GABRG3: variants seen among roughly 807,000 people sequenced by gnomAD.
The protein encoded by GABRG3 is gamma-aminobutyric acid type A receptor subunit gamma3, also known as gamma-aminobutyric acid receptor subunit gamma-3.
Under a neutral mutation model 48.8 loss-of-function variants are expected in GABRG3, and 25 were observed. That is an observed-to-expected ratio of 0.51 (90% CI 0.37 to 0.72). The LOEUF (loss-of-function observed/expected upper bound fraction) is 0.72. GABRG3 is among the 30% of genes least tolerant of loss of function. The pLI, the probability that GABRG3 is intolerant of heterozygous loss-of-function variation, is 0.00. For synonymous variants in GABRG3, 227 were observed against 217.6 expected, an observed-to-expected ratio of 1.04 and a Z score of -0.38; for missense variants, 394 against 577.9, an observed-to-expected ratio of 0.68 and a Z score of 3.26.
At chr15:27,469,348 T>C (rs2150839542) in intron 5 of GABRG3, among the ~76,000 whole-genome samples, 1 of 152,300 alleles carries the variant, frequency 6.6e-6, no homozygotes, top group South Asian at 2.1e-4. Flanking sequence ...TTATTTTATT[T>C]TATTTTTTTG....
At chr15:27,168,004 T>C (rs1887436586) in intron 3 of GABRG3, among the ~76,000 whole-genome samples, 2 of 151,982 alleles carry the variant, frequency 1.3e-5, no homozygotes, top group Non-Finnish European at 2.9e-5. Flanking sequence ...CCGGCCCAAA[T>C]CTCACTCTAA....
chr15:27,473,889 G>C (rs1185433545), intron 5 of GABRG3, among the ~76,000 whole-genome samples: 2 of 152,192 alleles, frequency 1.3e-5, no homozygotes, highest in African/African-American at 4.8e-5. Context: ...TTAACACAAA[G>C]TATATGTAAG....
At chr15:27,103,849 C>A (rs749073660) in intron 3 of GABRG3, among the ~76,000 whole-genome samples, 3 of 152,214 alleles carry the variant, frequency 2.0e-5, no homozygotes, top group Non-Finnish European at 4.4e-5. Context: ...AGTTTTCTAG[C>A]TGCTCTTATA....
chr15:27,015,033 C>G (rs1895752639), intron 2 of GABRG3, among the ~76,000 whole-genome samples: 1 of 152,134 alleles, frequency 6.6e-6, no homozygotes, highest in African/African-American at 2.4e-5. Flanking sequence ...TTCTTTGTGT[C>G]TTGCGACAGT....
At chr15:27,070,552 C>T (rs1037520164) in intron 3 of GABRG3, among the ~76,000 whole-genome samples, 1 of 152,204 alleles carries the variant, frequency 6.6e-6, no homozygotes, top group Non-Finnish European at 1.5e-5. Flanking sequence ...TTGTCACCAA[C>T]ATTTGGAAGA....
At chr15:27,005,198 TTTTA>T (rs1165468896) in intron 2 of GABRG3, among the ~76,000 whole-genome samples, 4 of 152,028 alleles carry the variant, frequency 2.6e-5, no homozygotes, top group African/African-American at 9.7e-5. Context: ...TCTTATTTTA[TTTTA>T]TTTATTTATT....
chr15:27,093,189 C>G (rs566156938), intron 3 of GABRG3, among the ~76,000 whole-genome samples: 1 of 152,168 alleles, frequency 6.6e-6, no homozygotes, highest in East Asian at 1.9e-4. Context: ...ACGGAACAGA[C>G]CAATGTCACA....
chr15:27,048,502 G>A (rs1237037737), intron 3 of GABRG3, among the ~76,000 whole-genome samples: 1 of 152,178 alleles, frequency 6.6e-6, no homozygotes, highest in East Asian at 1.9e-4. Context: ...AGGGCCTGCA[G>A]GCAGGTGGCT....
intron 5 of GABRG3, among the ~76,000 whole-genome samples, chr15:27,388,215 A>G (rs1322628552): frequency 1.6e-5 from 1 of 62,754 alleles, no homozygotes; most frequent in Admixed American, 1.7e-4. Context: ...GAAGGAAAGG[A>G]GGAAGGAAGG....
At chr15:27,213,320 C>A (rs1889132445) in intron 3 of GABRG3, among the ~76,000 whole-genome samples, 1 of 152,156 alleles carries the variant, frequency 6.6e-6, no homozygotes, top group Non-Finnish European at 1.5e-5. Flanking sequence ...GATTAATTGG[C>A]TTTTATTTGC....
chr15:27,156,503 C>T (rs1447535080), intron 3 of GABRG3, among the ~76,000 whole-genome samples: 2 of 152,014 alleles, frequency 1.3e-5, no homozygotes, highest in Non-Finnish European at 2.9e-5. Context: ...ATACTCGCTA[C>T]CATGTCATCC....
intron 3 of GABRG3, among the ~76,000 whole-genome samples, chr15:27,037,445 TATAGAC>T (rs1452902629): frequency 6.6e-6 from 1 of 152,178 alleles, no homozygotes; most frequent in Non-Finnish European, 1.5e-5. Context: ...CACTCTGTCT[TATAGAC>T]TAAGAGTTTG....
At chr15:27,019,406 T>A (rs2140674965) in intron 2 of GABRG3, among the ~76,000 whole-genome samples, 1 of 152,070 alleles carries the variant, frequency 6.6e-6, no homozygotes, top group Middle Eastern at 3.4e-3. Context: ...AAATAGAAAC[T>A]CCGGGAGGTT....
chr15:27,008,999 T>C (rs1895638320), intron 2 of GABRG3, among the ~76,000 whole-genome samples: 1 of 152,060 alleles, frequency 6.6e-6, no homozygotes, highest in Non-Finnish European at 1.5e-5. Context: ...GGCGAGGATG[T>C]AGAGCAAGGA....
chr15:27,293,271 C>G (rs1198422927), intron 3 of GABRG3, among the ~76,000 whole-genome samples: 2 of 151,930 alleles, frequency 1.3e-5, no homozygotes, highest in Non-Finnish European at 2.9e-5. Flanking sequence ...TGGAGGGAAT[C>G]TGAATGGAAT....
At chr15:27,128,745 C>T (rs1897865108) in intron 3 of GABRG3, among the ~76,000 whole-genome samples, 1 of 152,182 alleles carries the variant, frequency 6.6e-6, no homozygotes, top group Admixed American at 6.5e-5. Flanking sequence ...TTCGCAGAGC[C>T]CTCTGGCTCT....
chr15:27,328,727 C>G, intron 4 of GABRG3, 79 bp from the exon 5 acceptor site: 1 of 1,208,120 alleles, frequency 8.3e-7, no homozygotes, highest in South Asian at 1.3e-5. Context: ...CTCTCCATCC[C>G]CACATGGGGT....
intron 2 of GABRG3, among the ~76,000 whole-genome samples, chr15:26,981,801 C>T (rs1338720324): frequency 6.6e-6 from 1 of 152,226 alleles, no homozygotes; most frequent in Admixed American, 6.5e-5. Flanking sequence ...TCCTAGCACT[C>T]ACACTGCCCA....
In GABRG3 at chr15:27,349,265, T is replaced by TA. The variant is rs565419370; in HGVS notation, c.574+20383dup. Among the ~76,000 whole-genome samples, 8 of 152,196 alleles carry TA rather than the reference T, an allele frequency of 5.3e-5. No homozygotes were observed. In the South Asian group the frequency reaches 8.3e-4, roughly 16 times the overall value. On this transcript the variant is annotated intron_variant, in intron 5 of 9. Transcript: ENST00000615808. ...ATGTATAAATTATATATAATTGAAT[T>TA]AAAAAATGAAATAGGGGCTTGTAAA...
Sources: allele counts gnomAD v4.1 joint callset (sites outside exome capture counted in the v4.1 genomes callset), GRCh38; gene constraint gnomAD v4.1.1; transcripts MANE v1.5; gene names NCBI Gene and HGNC (gene_info 2026-07-23, HGNC 2026-07-21).